PIK3C2G: variants seen among roughly 807,000 people sequenced by gnomAD.
PIK3C2G encodes the protein phosphatidylinositol 3-kinase C2 domain-containing subunit gamma.
PIK3C2G carries 168 observed loss-of-function variants against 181.1 expected under a neutral mutation model. The observed-to-expected ratio is 0.93, with a 90% CI of 0.82 to 1.05. PIK3C2G has a LOEUF of 1.05. Ranked by LOEUF, PIK3C2G falls within the 50% of genes least tolerant of loss-of-function variation. The pLI is 0.00. For missense variants in PIK3C2G, 1,869 were observed against 1,732.8 expected (o/e 1.08, Z -1.40); for synonymous variants, 573 against 592.2 (o/e 0.97, Z 0.47).
chr12:18,243,973 C>T (rs575326775), upstream of PIK3C2G, among the ~76,000 whole-genome samples: 55 of 151,994 alleles, frequency 3.6e-4, no homozygotes, highest in African/African-American at 1.2e-3. Flanking sequence ...TGAGTCCCTG[C>T]CTTCCAGAGC....
rs74068692 is a variant in PIK3C2G at position 18,282,495 on chromosome 12, T to A, written c.414T>A (p.Asp138Glu). 2 of 1,612,672 alleles carry A rather than the reference T, an allele frequency of 1.2e-6. No individual in the cohort carries two copies. Among genetic ancestry groups the A allele is most frequent in the African/African-American group, 1.3e-5 (1 of 75,022 alleles). Residue 138 changes from aspartate (D) to glutamate (E), a missense_variant, in exon 2 of 33, where the codon GAT (aspartate) becomes GAA (glutamate). Physicochemically the swap from Asp to Glu is conservative, Grantham distance 45. Coordinates refer to ENST00000538779, the MANE Select transcript of PIK3C2G (RefSeq NM_001288772.2). ...TAGGAAAACATCATGGTGCTGATGA[T>A]TCCAGATTCAGTATTTTAGCTCCAT... ...SPIGKHHGADDSRFSILAPSF... is the reference protein window; with the variant it reads ...SPIGKHHGADESRFSILAPSF...
intron 29 of PIK3C2G, among the ~76,000 whole-genome samples, chr12:18,590,556 G>T (rs971289252): frequency 6.6e-6 from 1 of 151,786 alleles, no homozygotes; most frequent in Admixed American, 6.6e-5. Context: ...CTGCTTAGAG[G>T]TCAATACCAG....
At chr12:18,414,002 T>C (rs2135652663) in intron 16 of PIK3C2G, among the ~76,000 whole-genome samples, 1 of 152,212 alleles carries the variant, frequency 6.6e-6, no homozygotes, top group East Asian at 1.9e-4. Context: ...AGAAAAGAAA[T>C]GCCAGGATTT....
chr12:18,267,550 T>G (rs1948556011), intron 1 of PIK3C2G, among the ~76,000 whole-genome samples: 1 of 152,206 alleles, frequency 6.6e-6, no homozygotes, highest in South Asian at 2.1e-4. Context: ...TCTCCGTTGA[T>G]GACTCATAAA....
At chr12:18,584,163 G>A (rs1215708841) in intron 29 of PIK3C2G, among the ~76,000 whole-genome samples, 2 of 151,104 alleles carry the variant, frequency 1.3e-5, no homozygotes, top group African/African-American at 4.9e-5. Context: ...GAGTAGCTGG[G>A]ACTACAGGCA....
chr12:18,621,548 A>T (rs1948863135), intron 31 of PIK3C2G, among the ~76,000 whole-genome samples: 1 of 151,706 alleles, frequency 6.6e-6, no homozygotes. Flanking sequence ...TTATATATAT[A>T]TGTTATTAAC....
chr12:18,467,691 G>C (rs1938040939), intron 18 of PIK3C2G, among the ~76,000 whole-genome samples: 1 of 151,958 alleles, frequency 6.6e-6, no homozygotes, highest in African/African-American at 2.4e-5. Context: ...GGTAAGAGAA[G>C]AGAGCAGAAA....
At chr12:18,270,072 G>C (rs1025370464) in intron 1 of PIK3C2G, among the ~76,000 whole-genome samples, 1 of 151,792 alleles carries the variant, frequency 6.6e-6, no homozygotes, top group Middle Eastern at 3.4e-3. Flanking sequence ...ACCACGCCCG[G>C]CTAATTTTTG....
chr12:18,319,673 T>A (rs1951020507), intron 6 of PIK3C2G, among the ~76,000 whole-genome samples: 1 of 152,238 alleles, frequency 6.6e-6, no homozygotes, highest in South Asian at 2.1e-4. Flanking sequence ...ATATTCTTTA[T>A]ATTCTTGCTT....
At chr12:18,492,886 C>T (rs556320963) in intron 20 of PIK3C2G, among the ~76,000 whole-genome samples, 113 of 152,266 alleles carry the variant, frequency 7.4e-4, no homozygotes, top group African/African-American at 2.6e-3. Context: ...ATATAGCACC[C>T]TACGGTTAGC....
At chr12:18,579,623 G>C (rs548803806) in intron 29 of PIK3C2G, among the ~76,000 whole-genome samples, 1 of 152,202 alleles carries the variant, frequency 6.6e-6, no homozygotes, top group African/African-American at 2.4e-5. Flanking sequence ...TACCTCTTCT[G>C]ATGGAGTTGA....
At chr12:18,541,540 A>G (rs577097212) in intron 25 of PIK3C2G, among the ~76,000 whole-genome samples, 14 of 152,026 alleles carry the variant, frequency 9.2e-5, no homozygotes, top group African/African-American at 3.4e-4. Context: ...GATATTTCCC[A>G]TCAGAGATCT....
the PIK3C2G span, among the ~76,000 whole-genome samples, chr12:18,679,799 G>T: frequency 1.1e-4 from 16 of 151,920 alleles, no homozygotes; most frequent in Non-Finnish European, 1.8e-4. Context: ...TAGAAAAAGG[G>T]CACTTATCCC....
intron 6 of PIK3C2G, chr12:18,314,692 T>A (rs1950787669): frequency 6.6e-6 from 1 of 152,240 alleles, no homozygotes; most frequent in Non-Finnish European, 1.5e-5. Context: ...ACACTGAGTA[T>A]AACAAATCTG....
chr12:18,652,553 G>A (rs570686148), downstream of PIK3C2G, among the ~76,000 whole-genome samples: 386 of 152,182 alleles, frequency 2.5e-3, no homozygotes, highest in Non-Finnish European at 4.0e-3. Flanking sequence ...TTGTGACAGC[G>A]GTCCTAGCTA....
the PIK3C2G span, chr12:18,723,283 C>T: frequency 6.4e-7 from 1 of 1,561,154 alleles, no homozygotes; most frequent in Non-Finnish European, 8.8e-7. Context: ...TATAAATATT[C>T]CGATAAAAGT....
At chr12:18,357,815 T>G (rs1031309195) in intron 11 of PIK3C2G, among the ~76,000 whole-genome samples, 1 of 152,218 alleles carries the variant, frequency 6.6e-6, no homozygotes, top group Non-Finnish European at 1.5e-5. Flanking sequence ...TAACCAACAT[T>G]CTACTTTTTG....
At chr12:18,411,485 T>A (rs1944866514) in intron 16 of PIK3C2G, among the ~76,000 whole-genome samples, 1 of 114,884 alleles carries the variant, frequency 8.7e-6, no homozygotes, top group South Asian at 2.9e-4. Flanking sequence ...TTTACAATCA[T>A]CTTAAAAAAA....
At chr12:18,540,873 C>T (rs1423475664) in intron 25 of PIK3C2G, among the ~76,000 whole-genome samples, 1 of 151,728 alleles carries the variant, frequency 6.6e-6, no homozygotes, top group Non-Finnish European at 1.5e-5. Context: ...GTGTTATTAC[C>T]TCAGTTTCTG....
Sources: allele counts gnomAD v4.1 joint callset (sites outside exome capture counted in the v4.1 genomes callset), GRCh38; gene constraint gnomAD v4.1.1; transcripts MANE v1.5; gene names NCBI Gene and HGNC (gene_info 2026-07-23, HGNC 2026-07-21).